INO80D: variants seen among roughly 807,000 people sequenced by gnomAD.
The protein encoded by INO80D is INO80 complex subunit D.
Under a neutral mutation model 87.6 loss-of-function variants are expected in INO80D, and 21 were observed. That is an observed-to-expected ratio of 0.24 (90% CI 0.17 to 0.35). The LOEUF (loss-of-function observed/expected upper bound fraction) is 0.35. INO80D is among the 10% of genes least tolerant of loss of function. The pLI, the probability that INO80D is intolerant of heterozygous loss-of-function variation, is 1.00. For missense variants in INO80D, 982 were observed against 1,280.7 expected, an observed-to-expected ratio of 0.77 and a Z score of 3.56; for synonymous variants, 440 against 491.0, an observed-to-expected ratio of 0.90 and a Z score of 1.37.
At chr2:206,066,120 C>T (rs1159034435) in intron 1 of INO80D, among the ~76,000 whole-genome samples, 1 of 152,050 alleles carries the variant, frequency 6.6e-6, no homozygotes, top group Non-Finnish European at 1.5e-5. Context: ...ATTAGCTGGG[C>T]TTGTTGGCAT....
Position 205,996,921 on chromosome 2 carries a change from A to AC in INO80D, c.*7446_*7447insG, listed in dbSNP as rs2105782295. 1 of 129,594 alleles carries AC rather than the reference A, an allele frequency of 7.7e-6. No homozygotes were observed. The highest frequency in any genetic ancestry group is 1.8e-5 in the Non-Finnish European group (1 of 56,612). 8.0% of individuals were successfully genotyped at this position (129,594 alleles called of 1,614,324 possible). A position where few individuals can be genotyped will look rare whatever the true frequency, so the allele number is the denominator to read the frequency against. On this transcript the variant is annotated 3_prime_UTR_variant, in exon 11 of 11. Transcript: ENST00000403263. ...TACAAGAAATATGCAGATCTAAAAA[A>AC]AAATCCCAAAACAAGAGTGAATGAA...
chr2:206,012,747 C>T (rs1460013505), intron 8 of INO80D, among the ~76,000 whole-genome samples: 1 of 151,604 alleles, frequency 6.6e-6, no homozygotes, highest in Non-Finnish European at 1.5e-5. Context: ...CACACGCCTG[C>T]AGTCCCAGCT....
chr2:205,995,859 A>C lies in INO80D; in HGVS notation c.*8509T>G, dbSNP rs1687798798. ...AATTCATCAAAGCAGTTTCATCATG[A>C]GAAAAATGAGTTAGTTACAGAATTC... On this transcript the variant is annotated 3_prime_UTR_variant, in exon 11 of 11. Coordinates refer to ENST00000403263, the MANE Select transcript of INO80D (RefSeq NM_017759.5). 6.6e-6 allele frequency: 1 copy of C among 152,172 alleles called. No individual in the cohort carries two copies. The highest frequency in any genetic ancestry group is 2.4e-5 in the African/African-American group (1 of 41,462). The allele number at this position is 152,172 out of a possible 1,614,324, so 9.4% of individuals were successfully genotyped here. A position where few individuals can be genotyped will look rare whatever the true frequency, so the allele number is the denominator to read the frequency against.
intron 1 of INO80D, among the ~76,000 whole-genome samples, chr2:206,068,692 C>A (rs1263393134): frequency 1.3e-5 from 2 of 151,944 alleles, no homozygotes; most frequent in African/African-American, 4.8e-5. Context: ...TACTTTTGAG[C>A]AATTTTTTTT....
Position 205,999,754 on chromosome 2 carries a change from C to T in INO80D, c.*4614G>A, listed in dbSNP as rs1347266287. 6.6e-6 allele frequency: 1 copy of T among 152,102 alleles called. No individual in the cohort carries two copies. Among genetic ancestry groups the T allele is most frequent in the Non-Finnish European group, 1.5e-5 (1 of 68,010 alleles). The allele number at this position is 152,102 out of a possible 1,614,324, so 9.4% of individuals were successfully genotyped here. A position where few individuals can be genotyped will look rare whatever the true frequency, so the allele number is the denominator to read the frequency against. ...AACAGATATCCAAACATGTCCTTCA[C>T]TGGTATTTTATTACAAATTATTGGA... On this transcript the variant is annotated 3_prime_UTR_variant, in exon 11 of 11. Transcript: ENST00000403263.
At chr2:206,059,934 T>C (rs1371561231) in intron 3 of INO80D, among the ~76,000 whole-genome samples, 1 of 152,206 alleles carries the variant, frequency 6.6e-6, no homozygotes, top group African/African-American at 2.4e-5. Flanking sequence ...CCTGGCGTGG[T>C]GGCTCATGTC....
At chr2:206,057,665 A>G (rs2359123) in intron 3 of INO80D, among the ~76,000 whole-genome samples, 29,059 of 151,964 alleles carry the variant, frequency 0.19, 3,317 homozygotes, top group Non-Finnish European at 0.27. Context: ...AAGACCAACT[A>G]AAATCAAAGC....
At chr2:206,029,410 T>C (rs1688704102) in intron 5 of INO80D, among the ~76,000 whole-genome samples, 2 of 152,228 alleles carry the variant, frequency 1.3e-5, no homozygotes, top group South Asian at 4.1e-4. Flanking sequence ...CACTTTTTTA[T>C]GGAACAAATG....
chr2:206,012,564 G>A (rs1052257128), intron 8 of INO80D, among the ~76,000 whole-genome samples: 21 of 152,082 alleles, frequency 1.4e-4, no homozygotes, highest in Non-Finnish European at 4.4e-5. Context: ...TTTGGATTCA[G>A]AATATAATAT....
intron 6 of INO80D, 106 bp downstream of exon 6, chr2:206,028,005 T>C: frequency 1.4e-6 from 1 of 733,146 alleles, no homozygotes; most frequent in Non-Finnish European, 2.1e-6. Flanking sequence ...TGCTTAAACG[T>C]TTAGGACTTA....
intron 3 of INO80D, among the ~76,000 whole-genome samples, chr2:206,058,644 AGAATCGCTT>A (rs757228581): frequency 7.2e-5 from 11 of 152,178 alleles, no homozygotes; most frequent in Non-Finnish European, 1.6e-4. Flanking sequence ...CTGAGGTACA[AGAATCGCTT>A]GAACCCGGGG....
chr2:206,037,676 TA>T (rs1302139457), intron 5 of INO80D, among the ~76,000 whole-genome samples: 1 of 152,084 alleles, frequency 6.6e-6, no homozygotes, highest in Non-Finnish European at 1.5e-5. Context: ...CTCAAAGAAG[TA>T]AAAATAGAAC....
At position 206,001,425 on chromosome 2, in the gene INO80D, C is replaced by A. The variant is rs965352586; in HGVS notation, c.*2943G>T. 49 of 152,220 alleles carry A rather than the reference C, an allele frequency of 3.2e-4. No individual in the cohort carries two copies. Among genetic ancestry groups the A allele is most frequent in the African/African-American group, 1.1e-3 (45 of 41,456 alleles). The allele number at this position is 152,220 out of a possible 1,614,324, so 9.4% of individuals were successfully genotyped here. Reference sequence around the variant, plus strand: ...GAGTGAAACTTCTTTGCCACTATTTCTCCTGGGTTCAACACTAGAATAAAA... The same window carrying A: ...GAGTGAAACTTCTTTGCCACTATTTATCCTGGGTTCAACACTAGAATAAAA... On this transcript the variant is annotated 3_prime_UTR_variant, in exon 11 of 11. Coordinates refer to ENST00000403263, the MANE Select transcript of INO80D (RefSeq NM_017759.5).
At chr2:206,042,529 A>G (rs528670918) in intron 5 of INO80D, among the ~76,000 whole-genome samples, 2 of 152,092 alleles carry the variant, frequency 1.3e-5, no homozygotes, top group South Asian at 4.2e-4. Context: ...TAAAAATAGA[A>G]AAGTTAGCCA....
intron 5 of INO80D, among the ~76,000 whole-genome samples, chr2:206,036,443 G>A (rs957391826): frequency 6.6e-6 from 1 of 152,150 alleles, no homozygotes; most frequent in African/African-American, 2.4e-5. Context: ...TGACCTGGAT[G>A]AGATTGGAGA....
rs1423261712 is a variant in INO80D, at chr2:206,017,608, G to A, written c.1542+72C>T. 2.4e-6 allele frequency: 3 copies of A among 1,266,614 alleles called. No individual in the cohort carries two copies. The African/African-American group carries it at 4.5e-5, about 19-fold the overall frequency. 78.5% of individuals were successfully genotyped at this position (1,266,614 alleles called of 1,614,324 possible). Reference sequence around the variant, plus strand: ...AGTGATTTATATACATACATAGTTTGTGCTAAGTTATAAAATACTTCCTAC... The same window carrying A: ...AGTGATTTATATACATACATAGTTTATGCTAAGTTATAAAATACTTCCTAC... On this transcript the variant is annotated intron_variant, in intron 8 of 10. Coordinates refer to ENST00000403263, the MANE Select transcript of INO80D (RefSeq NM_017759.5).
At chr2:206,052,870 G>A (rs988606753) in intron 4 of INO80D, among the ~76,000 whole-genome samples, 13 of 151,850 alleles carry the variant, frequency 8.6e-5, no homozygotes, top group Non-Finnish European at 1.9e-4. Context: ...CCATACATAA[G>A]AGCTTTATGG....
At position 206,080,405 on chromosome 2, in the gene INO80D, C is replaced by G. The variant is rs576798954; in HGVS notation, c.-124+5496G>C. Among the ~76,000 whole-genome samples the G allele has an allele frequency of 2.0e-5, 3 of 152,274 alleles. No individual in the cohort carries two copies. The South Asian group carries it at 6.2e-4, about 32-fold the overall frequency. ...CTTTGCCCTCGGTGTACTTACTATA[C>G]CTTTATATTGGCCAATTCCAAATTC... On this transcript the variant is annotated intron_variant, in intron 1 of 10. Transcript: ENST00000403263.
intron 4 of INO80D, among the ~76,000 whole-genome samples, chr2:206,053,104 C>T (rs1428117387): frequency 6.6e-6 from 1 of 151,022 alleles, no homozygotes; most frequent in Non-Finnish European, 1.5e-5. Flanking sequence ...AATTTGGCAA[C>T]ATATATCAAA....
Sources: gnomAD v4.1 joint callset for allele counts (sites outside exome capture counted in the v4.1 genomes callset) on GRCh38, gnomAD v4.1.1 for gene constraint, MANE v1.5 for transcripts, NCBI Gene and HGNC (gene_info 2026-07-23, HGNC 2026-07-21) for gene names.